Variants in SCMH1 observed in about 807,000 individuals in gnomAD.
The protein encoded by SCMH1 is Scm polycomb group protein homolog 1.
SCMH1 carries 37 observed loss-of-function variants against 70.8 expected under a neutral mutation model. That is an observed-to-expected ratio of 0.52 (90% CI 0.40 to 0.69). SCMH1 has a LOEUF of 0.69. Ranked by LOEUF, SCMH1 falls within the 30% of genes least tolerant of loss-of-function variation. The probability of loss-of-function intolerance (pLI) is 0.00; values close to 1 mark genes in which losing one functional copy is unlikely to be tolerated. For synonymous variants in SCMH1, 292 were observed against 307.4 expected (o/e 0.95, Z 0.52); for missense variants, 607 against 827.3 (o/e 0.73, Z 3.27).
chr1:41,162,625 A>C (rs1334636976), intron 2 of SCMH1, among the ~76,000 whole-genome samples: 1 of 152,192 alleles, frequency 6.6e-6, no homozygotes, highest in Non-Finnish European at 1.5e-5. Context: ...TGAGAGCTGC[A>C]GAGATGACGT....
At chr1:41,030,556 T>C (rs1357211110) in intron 13 of SCMH1, among the ~76,000 whole-genome samples, 1 of 152,176 alleles carries the variant, frequency 6.6e-6, no homozygotes, top group African/African-American at 2.4e-5. Flanking sequence ...TTCTCAACAT[T>C]TGGTTCTTAC....
intron 2 of SCMH1, among the ~76,000 whole-genome samples, chr1:41,179,430 C>T (rs974877957): frequency 1.3e-5 from 2 of 152,122 alleles, no homozygotes; most frequent in African/African-American, 4.8e-5. Flanking sequence ...AATCCAGGAG[C>T]TGGTTTTTTG....
chr1:41,080,133 G>A lies in SCMH1; in HGVS notation c.746-4682C>T, dbSNP rs549683042. ...GTTCCATTATTTACATAATATATGA[G>A]TCTCTCTCTTAAAACACAAAACAAA... On this transcript the variant is annotated intron_variant, in intron 8 of 14. Coordinates refer to ENST00000337495, the Ensembl canonical transcript of SCMH1. Among the ~76,000 whole-genome samples, 14 of 151,564 alleles carry A rather than the reference G, an allele frequency of 9.2e-5. No homozygotes were observed. The East Asian group carries it at 1.7e-3, about 19-fold the overall frequency.
chr1:41,037,457 T>C, exon 13 of SCMH1: 1 of 1,614,040 alleles, frequency 6.2e-7, no homozygotes, highest in Non-Finnish European at 8.5e-7. Context: ...GCTGACAAGG[T>C]TGGTGGGATT....
At chr1:41,230,576 T>C (rs1661112762) in intron 1 of SCMH1, among the ~76,000 whole-genome samples, 1 of 151,680 alleles carries the variant, frequency 6.6e-6, no homozygotes. Context: ...GAGGATCCCC[T>C]GAGCCCAGGA....
At chr1:41,152,763 T>C in intron 4 of SCMH1, 1 of 1,583,588 alleles carries the variant, frequency 6.3e-7, no homozygotes. Flanking sequence ...AATGAGTCAC[T>C]GAATGAAGAA....
chr1:41,233,366 G>A lies in SCMH1; in HGVS notation c.-118+8693C>T, dbSNP rs533086275. ...AAAATCCACTAAACTAGCAAGCTAA[G>A]TTTTATCTTTATCAAAACCAGAAAG... On this transcript the variant is annotated intron_variant, in intron 1 of 14. Coordinates refer to ENST00000337495, the Ensembl canonical transcript of SCMH1. 7.2e-5 allele frequency among the ~76,000 whole-genome samples: 11 copies of A among 152,238 alleles called. 1 individual carries two copies. The highest frequency in any genetic ancestry group is 2.2e-4 in the African/African-American group (9 of 41,546).
chr1:41,163,554 C>T (rs778617990), intron 2 of SCMH1, among the ~76,000 whole-genome samples: 1 of 152,136 alleles, frequency 6.6e-6, no homozygotes, highest in Non-Finnish European at 1.5e-5. Flanking sequence ...CTAAGGTGGT[C>T]GCTAATTCAG....
chr1:41,184,459 C>T lies in SCMH1; in HGVS notation c.13+1662G>A, dbSNP rs114194619. ...TCTAAATCCTGCTTATGTTTAGATTCATTCATTCAACAAATATTTATTACC... is the reference window on the plus strand; with the variant it reads ...TCTAAATCCTGCTTATGTTTAGATTTATTCATTCAACAAATATTTATTACC... On this transcript the variant is annotated intron_variant, in intron 2 of 14. Transcript: ENST00000337495. 2.9e-3 allele frequency among the ~76,000 whole-genome samples: 438 copies of T among 152,218 alleles called. 2 individuals carry two copies. The highest frequency in any genetic ancestry group is 0.01 in the African/African-American group (418 of 41,540).
At chr1:41,091,393 A>G (rs1328187207) in intron 8 of SCMH1, among the ~76,000 whole-genome samples, 4 of 152,220 alleles carry the variant, frequency 2.6e-5, no homozygotes, top group African/African-American at 7.2e-5. Context: ...TCTCAAAATA[A>G]TAAGAGTTAT....
At chr1:41,098,158 T>C (rs1348054356) in intron 8 of SCMH1, among the ~76,000 whole-genome samples, 1 of 152,236 alleles carries the variant, frequency 6.6e-6, no homozygotes, top group East Asian at 1.9e-4. Flanking sequence ...TGGGTAACTC[T>C]TAAATATTTC....
chr1:41,032,978 CAAAA>C (rs1327396809), intron 13 of SCMH1, among the ~76,000 whole-genome samples: 1 of 69,026 alleles, frequency 1.4e-5, no homozygotes, highest in Non-Finnish European at 3.0e-5. Context: ...GACTCTGTCT[CAAAA>C]AAAAAAAAAA....
rs543951401 is a variant in SCMH1, at chr1:41,188,844, TTG to T, written c.-117-2596_-117-2595del. Among the ~76,000 whole-genome samples the T allele has an allele frequency of 4.6e-5, 7 of 152,280 alleles. No individual in the cohort carries two copies. The South Asian group carries it at 1.2e-3, about 27-fold the overall frequency. ...TTAAGTGTTTACTACATGCCAGATA[TTG>T]TGTTAAGTATTTCAAAGAACAGGAA... On this transcript the variant is annotated intron_variant, in intron 1 of 14. Coordinates refer to ENST00000337495, the Ensembl canonical transcript of SCMH1.
intron 1 of SCMH1, among the ~76,000 whole-genome samples, chr1:41,240,509 T>C (rs1663286068): frequency 6.6e-6 from 1 of 151,678 alleles, no homozygotes; most frequent in Non-Finnish European, 1.5e-5. Flanking sequence ...TGCAACCAAA[T>C]ATTAAAATTG....
intron 12 of SCMH1, among the ~76,000 whole-genome samples, chr1:41,042,802 G>C (rs1477530751): frequency 2.0e-5 from 3 of 152,132 alleles, no homozygotes; most frequent in Non-Finnish European, 4.4e-5. Context: ...TGTCTCCCTA[G>C]AGTCTAGTAT....
At chr1:41,125,348 C>T (rs573562541) in intron 6 of SCMH1, among the ~76,000 whole-genome samples, 1 of 151,932 alleles carries the variant, frequency 6.6e-6, no homozygotes, top group East Asian at 1.9e-4. Flanking sequence ...CCTGAGTAGC[C>T]GGCACTACAG....
chr1:41,153,936 T>C (rs1386568930), intron 4 of SCMH1, among the ~76,000 whole-genome samples: 2 of 152,164 alleles, frequency 1.3e-5, no homozygotes, highest in Non-Finnish European at 2.9e-5. Context: ...TAGCAAGTCT[T>C]CTGTTAAGGA....
At chr1:41,157,199 G>A (rs1645631131) in intron 4 of SCMH1, among the ~76,000 whole-genome samples, 1 of 151,974 alleles carries the variant, frequency 6.6e-6, no homozygotes, top group African/African-American at 2.4e-5. Flanking sequence ...GTACACAGGT[G>A]TGTTTACCAC....
At chr1:41,236,199 A>T (rs760514241) in intron 1 of SCMH1, among the ~76,000 whole-genome samples, 2 of 152,244 alleles carry the variant, frequency 1.3e-5, no homozygotes, top group Non-Finnish European at 2.9e-5. Context: ...TGTATAGCCA[A>T]AGAGCACAGG....
Sources: gnomAD v4.1 joint callset for allele counts (sites outside exome capture counted in the v4.1 genomes callset) on GRCh38, gnomAD v4.1.1 for gene constraint, MANE v1.5 for transcripts, NCBI Gene and HGNC (gene_info 2026-07-23, HGNC 2026-07-21) for gene names.